PDE4D: variants seen among roughly 807,000 people sequenced by gnomAD.
The protein encoded by PDE4D is 3',5'-cyclic-AMP phosphodiesterase 4D.
In PDE4D, 24 loss-of-function variants were observed where a neutral mutation model predicts 87.4. That is an observed-to-expected ratio of 0.27 (90% CI 0.20 to 0.39). PDE4D has a LOEUF of 0.39. Ranked by LOEUF, PDE4D falls within the 10% of genes least tolerant of loss-of-function variation. The probability of loss-of-function intolerance (pLI) is 1.00; values close to 1 mark genes in which losing one functional copy is unlikely to be tolerated. For missense variants in PDE4D, 714 were observed against 1,041.0 expected (o/e 0.69, Z 4.32); for synonymous variants, 384 against 383.2 (o/e 1.00, Z -0.02).
chr5:59,874,698 G>C (rs1213258167), intron 1 of PDE4D, among the ~76,000 whole-genome samples: 1 of 152,154 alleles, frequency 6.6e-6, no homozygotes, highest in Middle Eastern at 3.2e-3. Flanking sequence ...TTCTTGCCTT[G>C]ACTATGTCAA....
At chr5:59,032,036 C>A (rs1413360658) in intron 6 of PDE4D, among the ~76,000 whole-genome samples, 1 of 151,864 alleles carries the variant, frequency 6.6e-6, no homozygotes, top group East Asian at 1.9e-4. Context: ...TGCATGGAGA[C>A]CCCAGTAATT....
intron 1 of PDE4D, chr5:60,459,889 T>G (rs1248961878): frequency 1.5e-6 from 1 of 663,034 alleles, no homozygotes; most frequent in East Asian, 2.7e-5. Flanking sequence ...CTCCCCTTCA[T>G]CATCATCTTC....
intron 1 of PDE4D, among the ~76,000 whole-genome samples, chr5:59,231,519 G>A (rs570019522): frequency 8.5e-5 from 13 of 152,292 alleles, no homozygotes; most frequent in South Asian, 4.1e-4. Context: ...ATCCTGGTCC[G>A]TGACTGAGAG....
rs148611227 is a variant in PDE4D at position 59,847,550 on chromosome 5, G to A, written c.455+45618C>T. On this transcript the variant is annotated intron_variant, in intron 1 of 14. Transcript: ENST00000340635. The stretch of plus-strand genomic sequence containing the variant: ...CTTTTTTACCAGTCAAATTCTTCAC[G>A]AGTCATGGTACCTTTTAGAAATATT... Among the ~76,000 whole-genome samples, 20 of 152,154 alleles carry A rather than the reference G, an allele frequency of 1.3e-4. No individual in the cohort carries two copies. The East Asian group carries it at 3.1e-3, about 24-fold the overall frequency.
intron 1 of PDE4D, among the ~76,000 whole-genome samples, chr5:59,707,163 C>T (rs974855973): frequency 1.3e-5 from 2 of 152,136 alleles, no homozygotes; most frequent in African/African-American, 4.8e-5. Context: ...AGAAGTGAGA[C>T]ATCACTAACC....
chr5:60,079,763 G>C (rs2152902689), intron 2 of PDE4D, among the ~76,000 whole-genome samples: 1 of 152,330 alleles, frequency 6.6e-6, no homozygotes, highest in Non-Finnish European at 1.5e-5. Flanking sequence ...GCACCATGCT[G>C]TTTTGGTTAC....
In PDE4D at chr5:59,263,076, A is replaced by AC. The variant is rs567252227; in HGVS notation, c.456-47109dup. ...TATACAACTCTTGCCATAAAGAGTA[A>AC]CTACTGTGTCTACAACTCACCCAGT... is the stretch of plus-strand genomic sequence containing the variant. On this transcript the variant is annotated intron_variant, in intron 1 of 14. Coordinates refer to ENST00000340635, the MANE Select transcript of PDE4D (RefSeq NM_001104631.2). 3.9e-5 allele frequency among the ~76,000 whole-genome samples: 6 copies of AC among 152,064 alleles called. No homozygotes were observed. In the East Asian group the frequency reaches 1.2e-3, roughly 30 times the overall value.
chr5:60,094,127 C>T (rs1775424748), intron 2 of PDE4D, among the ~76,000 whole-genome samples: 1 of 152,126 alleles, frequency 6.6e-6, no homozygotes, highest in Non-Finnish European at 1.5e-5. Flanking sequence ...TGAATATCAG[C>T]TCTGCCACAT....
intron 1 of PDE4D, among the ~76,000 whole-genome samples, chr5:60,375,389 G>T (rs572518324): frequency 2.0e-5 from 3 of 152,178 alleles, no homozygotes; most frequent in Admixed American, 6.5e-5. Flanking sequence ...TAAGTGTTTT[G>T]CATATATTAA....
intron 2 of PDE4D, among the ~76,000 whole-genome samples, chr5:60,038,196 G>T (rs977024047): frequency 2.6e-5 from 4 of 152,132 alleles, no homozygotes; most frequent in Non-Finnish European, 5.9e-5. Context: ...TGAAGTCCTT[G>T]CCCATGCCTA....
chr5:59,221,244 A>G (rs1441107911), intron 1 of PDE4D, among the ~76,000 whole-genome samples: 4 of 152,142 alleles, frequency 2.6e-5, no homozygotes, highest in African/African-American at 9.7e-5. Context: ...AAATACAAGA[A>G]TACCTTTTAG....
intron 5 of PDE4D, among the ~76,000 whole-genome samples, chr5:59,113,525 C>G (rs1773044577): frequency 6.6e-6 from 1 of 152,150 alleles, no homozygotes; most frequent in Non-Finnish European, 1.5e-5. Flanking sequence ...GAAATTGTGT[C>G]TTTTTTGTTT....
chr5:59,383,379 C>A (rs543431643), intron 1 of PDE4D, among the ~76,000 whole-genome samples: 2 of 152,222 alleles, frequency 1.3e-5, no homozygotes, highest in East Asian at 3.9e-4. Flanking sequence ...GCCCACGAAT[C>A]TATCCCCACT....
rs1754368704 is a variant in PDE4D at position 60,305,073 on chromosome 5, C to CA, written c.-89-119387dup. On this transcript the variant is annotated intron_variant, in intron 1 of 16. Transcript: ENST00000502484. ...CACACACACACACACACACACACAACACACAACAGGGGAAAGAGAATAGTG... is the reference window on the plus strand; with the variant it reads ...CACACACACACACACACACACACAACAACACAACAGGGGAAAGAGAATAGTG... 5.5e-5 allele frequency among the ~76,000 whole-genome samples: 8 copies of CA among 146,026 alleles called. No individual in the cohort carries two copies. In the South Asian group the frequency reaches 1.8e-3, roughly 33 times the overall value.
Position 59,288,481 on chromosome 5 carries a change from A to G in PDE4D, c.456-72513T>C, listed in dbSNP as rs1189724223. The stretch of plus-strand genomic sequence containing the variant: ...AAATAGTCTCAAAAGGGCAAATCTA[A>G]GAGTTATTGACCTTAAAAAAAAGTT... On this transcript the variant is annotated intron_variant, in intron 1 of 14. Transcript: ENST00000340635. 5.9e-5 allele frequency among the ~76,000 whole-genome samples: 9 copies of G among 152,082 alleles called. 1 individual carries two copies. Among genetic ancestry groups the G allele is most frequent in the Non-Finnish European group, 1.2e-4 (8 of 68,012 alleles).
chr5:60,248,478 A>G (rs933481995), intron 1 of PDE4D, among the ~76,000 whole-genome samples: 4 of 152,032 alleles, frequency 2.6e-5, no homozygotes, highest in African/African-American at 4.8e-5. Context: ...AGGCAAAATC[A>G]GACTTGTATT....
chr5:60,117,055 A>C (rs1362552836), intron 2 of PDE4D, among the ~76,000 whole-genome samples: 1 of 152,096 alleles, frequency 6.6e-6, no homozygotes, highest in Non-Finnish European at 1.5e-5. Context: ...CTAAAAAAAA[A>C]AATATTTCCT....
intron 2 of PDE4D, among the ~76,000 whole-genome samples, chr5:60,094,786 C>G (rs976277164): frequency 4.6e-5 from 7 of 151,836 alleles, no homozygotes; most frequent in African/African-American, 1.7e-4. Flanking sequence ...TTTGAGACTC[C>G]TAGCCTCCAG....
At chr5:59,464,574 T>C (rs1160711171) in intron 1 of PDE4D, among the ~76,000 whole-genome samples, 1 of 152,194 alleles carries the variant, frequency 6.6e-6, no homozygotes, top group Non-Finnish European at 1.5e-5. Flanking sequence ...CACCCACGAA[T>C]GATCAATAAA....
Sources: gnomAD v4.1 joint callset for allele counts (sites outside exome capture counted in the v4.1 genomes callset) on GRCh38, gnomAD v4.1.1 for gene constraint, MANE v1.5 for transcripts, NCBI Gene and HGNC (gene_info 2026-07-23, HGNC 2026-07-21) for gene names.